GRID2: variants seen among roughly 807,000 people sequenced by gnomAD.
GRID2 encodes glutamate ionotropic receptor delta type subunit 2, also known as glutamate receptor ionotropic, delta-2.
GRID2 carries 33 observed loss-of-function variants against 114.8 expected under a neutral mutation model. The ratio of observed to expected loss-of-function variants is 0.29; its 90% CI spans 0.22 to 0.38. GRID2 has a LOEUF of 0.38. Among genes scored for constraint, GRID2 ranks in the 10% least tolerant of loss-of-function variants. The pLI is 1.00. For missense variants in GRID2, 1,184 were observed against 1,257.7 expected (o/e 0.94, Z 0.89); for synonymous variants, 505 against 449.9 (o/e 1.12, Z -1.55).
At chr4:93,687,815 A>C (rs1726207112) in intron 14 of GRID2, among the ~76,000 whole-genome samples, 1 of 152,030 alleles carries the variant, frequency 6.6e-6, no homozygotes, top group South Asian at 2.1e-4. Flanking sequence ...TGGGGTGGTA[A>C]TTGAAAGGAG....
chr4:92,579,009 A>C (rs761709908), intron 1 of GRID2, among the ~76,000 whole-genome samples: 1 of 152,116 alleles, frequency 6.6e-6, no homozygotes, highest in Non-Finnish European at 1.5e-5. Context: ...TTTTTTATTT[A>C]AACAACAATA....
At chr4:92,874,701 C>T (rs188105938) in intron 2 of GRID2, among the ~76,000 whole-genome samples, 1 of 152,104 alleles carries the variant, frequency 6.6e-6, no homozygotes, top group East Asian at 1.9e-4. Context: ...TGAAAAGACA[C>T]CAGACCCATT....
intron 1 of GRID2, among the ~76,000 whole-genome samples, chr4:92,460,561 A>C (rs973055075): frequency 5.9e-5 from 9 of 152,080 alleles, no homozygotes; most frequent in Non-Finnish European, 1.0e-4. Context: ...TTTGTCTCAA[A>C]TAATTTTTAC....
chr4:93,600,014 C>T (rs529684154), intron 13 of GRID2, among the ~76,000 whole-genome samples: 106 of 152,262 alleles, frequency 7.0e-4, no homozygotes, highest in African/African-American at 2.4e-3. Flanking sequence ...GAAAAAGCAA[C>T]GGCTAGAAGG....
intron 12 of GRID2, among the ~76,000 whole-genome samples, chr4:93,513,795 C>G (rs1275560121): frequency 6.6e-6 from 1 of 152,156 alleles, no homozygotes; most frequent in East Asian, 1.9e-4. Flanking sequence ...AAATACTCTT[C>G]TGACAAACAT....
At chr4:92,689,579 T>G (rs897526069) in intron 2 of GRID2, among the ~76,000 whole-genome samples, 1 of 152,206 alleles carries the variant, frequency 6.6e-6, no homozygotes, top group Admixed American at 6.5e-5. Context: ...GAACTGCACA[T>G]GCAAAGGAGC....
chr4:93,004,739 C>T (rs945344014), intron 2 of GRID2, among the ~76,000 whole-genome samples: 1 of 151,816 alleles, frequency 6.6e-6, no homozygotes, highest in Non-Finnish European at 1.5e-5. Flanking sequence ...TTGTGTTTCT[C>T]TCTTCAGCCA....
At chr4:93,517,537 A>G (rs1729856340) in intron 13 of GRID2, among the ~76,000 whole-genome samples, 1 of 152,090 alleles carries the variant, frequency 6.6e-6, no homozygotes, top group Non-Finnish European at 1.5e-5. Flanking sequence ...AACCCAAATT[A>G]GAAACAGCTG....
intron 1 of GRID2, among the ~76,000 whole-genome samples, chr4:92,477,797 TATA>T (rs1353383762): frequency 6.8e-6 from 1 of 147,514 alleles, no homozygotes; most frequent in Admixed American, 6.8e-5. Context: ...TTAATATACA[TATA>T]ATACATTAAT....
At chr4:92,660,894 A>G (rs753501399) in intron 2 of GRID2, among the ~76,000 whole-genome samples, 2 of 151,154 alleles carry the variant, frequency 1.3e-5, no homozygotes, top group Non-Finnish European at 3.0e-5. Flanking sequence ...AGATAAACCT[A>G]TGCCTTCAAG....
intron 14 of GRID2, among the ~76,000 whole-genome samples, chr4:93,677,164 G>A (rs190838668): frequency 6.6e-6 from 1 of 152,176 alleles, no homozygotes; most frequent in Admixed American, 6.5e-5. Flanking sequence ...GCCCACGGAG[G>A]CTCGCTGATT....
intron 4 of GRID2, among the ~76,000 whole-genome samples, chr4:93,175,941 C>A (rs959432145): frequency 6.6e-6 from 1 of 152,084 alleles, no homozygotes; most frequent in African/African-American, 2.4e-5. Flanking sequence ...AGGAGTGGAC[C>A]TCTTTCTCAG....
intron 1 of GRID2, among the ~76,000 whole-genome samples, chr4:92,444,648 C>G (rs1011192817): frequency 6.6e-6 from 1 of 152,068 alleles, no homozygotes; most frequent in Non-Finnish European, 1.5e-5. Flanking sequence ...GGCTCAGAGG[C>G]CTGACATTTC....
intron 2 of GRID2, among the ~76,000 whole-genome samples, chr4:92,869,661 C>T (rs997652513): frequency 5.9e-5 from 9 of 152,136 alleles, no homozygotes; most frequent in Non-Finnish European, 8.8e-5. Flanking sequence ...CTTTCTTTTG[C>T]ATTATTCACC....
chr4:93,330,009 A>G (rs565998888), intron 8 of GRID2, among the ~76,000 whole-genome samples: 2 of 152,214 alleles, frequency 1.3e-5, no homozygotes, highest in South Asian at 4.1e-4. Context: ...CTGGCCATAA[A>G]ATATTATAAA....
At chr4:92,950,448 C>T (rs1241165748) in intron 2 of GRID2, among the ~76,000 whole-genome samples, 3 of 152,090 alleles carry the variant, frequency 2.0e-5, no homozygotes, top group Admixed American at 6.6e-5. Context: ...ATCAAAATCC[C>T]AAGGCCTGTT....
At chr4:93,559,037 C>A (rs551402275) in intron 13 of GRID2, among the ~76,000 whole-genome samples, 1 of 152,194 alleles carries the variant, frequency 6.6e-6, no homozygotes, top group Non-Finnish European at 1.5e-5. Flanking sequence ...ATTCAACACC[C>A]CTTCATGCTA....
chr4:93,711,956 G>T (rs748985364), intron 14 of GRID2, among the ~76,000 whole-genome samples: 3 of 152,104 alleles, frequency 2.0e-5, no homozygotes, highest in Non-Finnish European at 4.4e-5. Context: ...TTGCTGGAAG[G>T]TTCTATTCAG....
intron 2 of GRID2, among the ~76,000 whole-genome samples, chr4:92,645,911 C>T (rs190278619): frequency 2.6e-5 from 4 of 151,796 alleles, no homozygotes; most frequent in Non-Finnish European, 4.4e-5. Flanking sequence ...GAATAAGCTG[C>T]CGCAAATATC....
Sources: allele counts gnomAD v4.1 joint callset (sites outside exome capture counted in the v4.1 genomes callset), GRCh38; gene constraint gnomAD v4.1.1; transcripts MANE v1.5; gene names NCBI Gene and HGNC (gene_info 2026-07-23, HGNC 2026-07-21).